DGKB: variants seen among roughly 807,000 people sequenced by gnomAD.
The protein encoded by DGKB is 90 kDa diacylglycerol kinase.
DGKB carries 67 observed loss-of-function variants against 114.3 expected under a neutral mutation model. The ratio of observed to expected loss-of-function variants is 0.59; its 90% CI spans 0.48 to 0.72. DGKB has a LOEUF of 0.72. DGKB is among the 30% of genes least tolerant of loss of function. The pLI is 0.00. For synonymous variants in DGKB, 398 were observed against 323.1 expected (o/e 1.23, Z -2.49); for missense variants, 907 against 975.2 (o/e 0.93, Z 0.93).
chr7:14,951,375 A>G (rs1786192240), intron 1 of DGKB, among the ~76,000 whole-genome samples: 1 of 152,066 alleles, frequency 6.6e-6, no homozygotes, highest in Non-Finnish European at 1.5e-5. Flanking sequence ...AGAACATTAA[A>G]TGTAAGTTAA....
chr7:14,640,594 C>A (rs1265567344), intron 13 of DGKB, among the ~76,000 whole-genome samples: 2 of 152,132 alleles, frequency 1.3e-5, no homozygotes, highest in African/African-American at 4.8e-5. Flanking sequence ...AGCTCGAGAA[C>A]TATCCTTATT....
At chr7:14,356,352 CTTTTT>C (rs997102742) in intron 21 of DGKB, among the ~76,000 whole-genome samples, 1 of 77,224 alleles carries the variant, frequency 1.3e-5, no homozygotes, top group Non-Finnish European at 2.6e-5. Context: ...TTCTCTAGTT[CTTTTT>C]TTTTTTTTTT....
At chr7:14,963,719 C>A (rs532027453) in intron 1 of DGKB, among the ~76,000 whole-genome samples, 1 of 152,022 alleles carries the variant, frequency 6.6e-6, no homozygotes, top group African/African-American at 2.4e-5. Context: ...TTTGTTGTAG[C>A]GCTCCTGGTT....
chr7:14,776,100 C>T (rs1018227686), intron 2 of DGKB, among the ~76,000 whole-genome samples: 21 of 152,026 alleles, frequency 1.4e-4, no homozygotes, highest in African/African-American at 5.1e-4. Flanking sequence ...ATTACTCTTG[C>T]TAGCCAAAGA....
chr7:14,943,974 G>T (rs1785717394), intron 1 of DGKB, among the ~76,000 whole-genome samples: 1 of 151,814 alleles, frequency 6.6e-6, no homozygotes, highest in Admixed American at 6.6e-5. Flanking sequence ...TCACCCTCTT[G>T]AAAAGTGTGT....
intron 1 of DGKB, among the ~76,000 whole-genome samples, chr7:14,916,600 T>C (rs1784250398): frequency 6.6e-6 from 1 of 152,090 alleles, no homozygotes; most frequent in Non-Finnish European, 1.5e-5. Flanking sequence ...GAAGGCATAA[T>C]TGTTCTTTAT....
intron 20 of DGKB, among the ~76,000 whole-genome samples, chr7:14,518,100 G>A (rs923754111): frequency 6.6e-6 from 1 of 152,168 alleles, no homozygotes; most frequent in African/African-American, 2.4e-5. Context: ...ACAAAATGTG[G>A]TACATATACA....
chr7:14,506,401 G>A (rs1219080602), intron 20 of DGKB, among the ~76,000 whole-genome samples: 2 of 152,004 alleles, frequency 1.3e-5, no homozygotes, highest in Non-Finnish European at 2.9e-5. Context: ...GAAAAAAATA[G>A]ACTATGTAGC....
chr7:14,218,007 A>G (rs1198230212), intron 23 of DGKB, among the ~76,000 whole-genome samples: 1 of 152,132 alleles, frequency 6.6e-6, no homozygotes, highest in Non-Finnish European at 1.5e-5. Flanking sequence ...TTCATTACTA[A>G]TATGCAAATA....
chr7:14,549,246 G>A (rs1794762760), intron 20 of DGKB, among the ~76,000 whole-genome samples: 1 of 152,158 alleles, frequency 6.6e-6, no homozygotes, highest in Admixed American at 6.5e-5. Flanking sequence ...TATTGAACTG[G>A]TTAATGTGAC....
chr7:14,868,558 A>T (rs987256677), intron 1 of DGKB, among the ~76,000 whole-genome samples: 1 of 151,734 alleles, frequency 6.6e-6, no homozygotes, highest in Non-Finnish European at 1.5e-5. Context: ...CTGGTCTCGA[A>T]CTCCTAACCT....
chr7:14,418,803 C>G (rs990103944), intron 21 of DGKB, among the ~76,000 whole-genome samples: 1 of 151,804 alleles, frequency 6.6e-6, no homozygotes, highest in African/African-American at 2.4e-5. Context: ...GGTTATCTTG[C>G]AGATTCGTTA....
chr7:14,481,009 T>G (rs1782906709), intron 20 of DGKB, among the ~76,000 whole-genome samples: 1 of 150,688 alleles, frequency 6.6e-6, no homozygotes, highest in Non-Finnish European at 1.5e-5. Context: ...ATAGCTTTAT[T>G]TTTAATTAAT....
At chr7:14,660,520 G>C (rs932580609) in intron 13 of DGKB, among the ~76,000 whole-genome samples, 1 of 152,048 alleles carries the variant, frequency 6.6e-6, no homozygotes, top group Non-Finnish European at 1.5e-5. Context: ...GGTGTTTGCA[G>C]TATTCTCTGA....
At chr7:14,527,953 A>G (rs1429166442) in intron 20 of DGKB, among the ~76,000 whole-genome samples, 1 of 152,108 alleles carries the variant, frequency 6.6e-6, no homozygotes, top group African/African-American at 2.4e-5. Context: ...TGGAAGTAAG[A>G]TGGAAATTTT....
intron 1 of DGKB, among the ~76,000 whole-genome samples, chr7:14,868,390 C>T (rs1051661450): frequency 5.3e-5 from 8 of 150,236 alleles, no homozygotes; most frequent in African/African-American, 1.7e-4. Flanking sequence ...GGCTGGAGTG[C>T]AGTGGAGGAT....
intron 1 of DGKB, among the ~76,000 whole-genome samples, chr7:14,915,851 G>C (rs1334822972): frequency 6.6e-6 from 1 of 152,122 alleles, no homozygotes; most frequent in Non-Finnish European, 1.5e-5. Flanking sequence ...GTTCCTCAGA[G>C]AGAATAAAAA....
At chr7:14,401,470 A>C (rs951253718) in intron 21 of DGKB, among the ~76,000 whole-genome samples, 1 of 151,876 alleles carries the variant, frequency 6.6e-6, no homozygotes, top group African/African-American at 2.4e-5. Flanking sequence ...TGAAAAAATA[A>C]CTGTGAGGCT....
At chr7:14,722,772 A>G (rs1019505595) in intron 5 of DGKB, among the ~76,000 whole-genome samples, 1 of 152,084 alleles carries the variant, frequency 6.6e-6, no homozygotes, top group South Asian at 2.1e-4. Context: ...AGATCATGCC[A>G]CTGCACTCCA....
Sources: allele counts gnomAD v4.1 joint callset (sites outside exome capture counted in the v4.1 genomes callset), GRCh38; gene constraint gnomAD v4.1.1; transcripts MANE v1.5; gene names NCBI Gene and HGNC (gene_info 2026-07-23, HGNC 2026-07-21).